Variants in RAPH1 observed in about 807,000 individuals in gnomAD.
RAPH1 encodes ras-associated and pleckstrin homology domains-containing protein 1.
RAPH1 carries 18 observed loss-of-function variants against 88.1 expected under a neutral mutation model. That is an observed-to-expected ratio of 0.20 (90% confidence interval 0.14 to 0.30). The LOEUF (loss-of-function observed/expected upper bound fraction) is 0.30. Ranked by LOEUF, RAPH1 falls within the 10% of genes least tolerant of loss-of-function variation. The pLI is 1.00. For synonymous variants in RAPH1, 587 were observed against 559.0 expected, an observed-to-expected ratio of 1.05 and a Z score of -0.71; for missense variants, 1,448 against 1,543.2, an observed-to-expected ratio of 0.94 and a Z score of 1.03.
intron 4 of RAPH1, among the ~76,000 whole-genome samples, chr2:203,482,805 AAAAAAC>A (rs1477775093): frequency 6.9e-6 from 1 of 145,544 alleles, no homozygotes; most frequent in Non-Finnish European, 1.5e-5. Flanking sequence ...TCTGTCTCAA[AAAAAAC>A]AAAACAAAAC....
Position 203,506,373 on chromosome 2 carries a change from T to C in RAPH1, c.1-11020A>G, listed in dbSNP as rs539302709. On this transcript the variant is annotated intron_variant, in intron 1 of 13. Transcript: ENST00000319170. ...TTCCCAGTTTTTGGTTTCAAAATACTGTATACACTCTACACAAAAAGTAAC... is the reference window on the plus strand; with the variant it reads ...TTCCCAGTTTTTGGTTTCAAAATACCGTATACACTCTACACAAAAAGTAAC... Among the ~76,000 whole-genome samples, 7 of 152,146 alleles carry C rather than the reference T, an allele frequency of 4.6e-5. No homozygotes were observed. In the East Asian group the frequency reaches 1.4e-3, roughly 29 times the overall value.
At chr2:203,521,439 G>A (rs1689863844) in intron 1 of RAPH1, among the ~76,000 whole-genome samples, 1 of 151,986 alleles carries the variant, frequency 6.6e-6, no homozygotes, top group South Asian at 2.1e-4. Context: ...AAATTTTATG[G>A]ATACATACGT....
chr2:203,488,203 C>T (rs1688059432), intron 4 of RAPH1, among the ~76,000 whole-genome samples: 1 of 152,148 alleles, frequency 6.6e-6, no homozygotes, highest in African/African-American at 2.4e-5. Flanking sequence ...TATTCCCTAT[C>T]TTATCCAGTC....
Position 203,439,833 on chromosome 2 carries a change from G to A in RAPH1, c.3357C>T (p.Ala1119=), listed in dbSNP as rs1185907271. Residue 1119 remains alanine (A), a synonymous_variant, in exon 14 of 14, where the codon GCC becomes GCT. Transcript: ENST00000319170. ...QQWSKMSVKK[A]PPPTRPKRND... ...TCCGTTTGGGTCGTGTGGGTGGAGG[G>A]GCCTTCTTCACTGACATTTTAGACC... 2 of 1,613,848 alleles carry A rather than the reference G, an allele frequency of 1.2e-6. No homozygotes were observed. The highest frequency in any genetic ancestry group is 2.2e-5 in the East Asian group (1 of 44,878).
chr2:203,457,179 A>T (rs891769826), intron 8 of RAPH1, among the ~76,000 whole-genome samples: 3 of 151,190 alleles, frequency 2.0e-5, no homozygotes, highest in Admixed American at 1.3e-4. Context: ...ATTTTATTTT[A>T]TTTATTTATT....
intron 1 of RAPH1, among the ~76,000 whole-genome samples, chr2:203,506,725 CATATATAGATATATATCTATATATATAT>C (rs1375738127): frequency 1.1e-4 from 14 of 125,294 alleles, no homozygotes; most frequent in Non-Finnish European, 1.6e-4. Flanking sequence ...GACTAAAATC[CATATATAGATATATATCTATATATATAT>C]ATATCTATAT....
chr2:203,513,351 CTTTT>C (rs35194583), intron 1 of RAPH1, among the ~76,000 whole-genome samples: 1 of 86,906 alleles, frequency 1.2e-5, no homozygotes, highest in African/African-American at 4.8e-5. Context: ...TTCTCTCAAT[CTTTT>C]TTTTTTTTTT....
intron 12 of RAPH1, chr2:203,445,236 A>G (rs1366709702): frequency 2.3e-6 from 1 of 433,060 alleles, no homozygotes; most frequent in Non-Finnish European, 4.1e-6. Flanking sequence ...TCACCATGAG[A>G]GACTGATAAT....
intron 7 of RAPH1, among the ~76,000 whole-genome samples, chr2:203,458,187 C>T (rs891269054): frequency 9.9e-5 from 15 of 152,106 alleles, no homozygotes; most frequent in South Asian, 4.2e-4. Context: ...CTGACCAACA[C>T]GGTGAAACCC....
intron 1 of RAPH1, among the ~76,000 whole-genome samples, chr2:203,502,258 T>C (rs1472492229): frequency 6.6e-6 from 1 of 152,128 alleles, no homozygotes; most frequent in African/African-American, 2.4e-5. Flanking sequence ...GGTATGCTAT[T>C]CTTGGGCCAG....
Position 203,434,079 on chromosome 2 carries a change from T to TATATATAG in RAPH1, c.*5357_*5358insCTATATAT, listed in dbSNP as rs1469344221. 5 of 150,436 alleles carry TATATATAG rather than the reference T, an allele frequency of 3.3e-5. No homozygotes were observed. Among genetic ancestry groups the TATATATAG allele is most frequent in the African/African-American group, 1.2e-4 (5 of 40,546 alleles). The allele number at this position is 150,436 out of a possible 1,614,324, so 9.3% of individuals were successfully genotyped here. ...ATCTATATATATATATATATATATA[T>TATATATAG]AGCTTTGCACAATCAGGGAGCAAGG... On this transcript the variant is annotated 3_prime_UTR_variant, in exon 14 of 14. Transcript: ENST00000319170.
At chr2:203,494,362 C>T (rs976532564) in intron 2 of RAPH1, among the ~76,000 whole-genome samples, 6 of 152,240 alleles carry the variant, frequency 3.9e-5, no homozygotes, top group Non-Finnish European at 8.8e-5. Context: ...TAACAGTACC[C>T]TTTTATTCTA....
intron 2 of RAPH1, 122 bp from the exon 3 acceptor site, chr2:203,491,441 CT>C (rs780844234): frequency 5.0e-6 from 3 of 595,644 alleles, no homozygotes; most frequent in Non-Finnish European, 5.8e-6. Context: ...CAAAGTTCTC[CT>C]AAGTAATAGA....
At chr2:203,510,884 C>G (rs1156960575) in intron 1 of RAPH1, among the ~76,000 whole-genome samples, 2 of 151,906 alleles carry the variant, frequency 1.3e-5, no homozygotes, top group Non-Finnish European at 2.9e-5. Flanking sequence ...CATAGCGAGA[C>G]TCTGTCTGTA....
intron 4 of RAPH1, among the ~76,000 whole-genome samples, chr2:203,462,508 C>T (rs551357730): frequency 1.1e-4 from 17 of 152,246 alleles, no homozygotes; most frequent in Admixed American, 5.9e-4. Flanking sequence ...TGCCTTATTG[C>T]GTAAGTTTCA....
chr2:203,506,999 C>T (rs1329393494), intron 1 of RAPH1, among the ~76,000 whole-genome samples: 1 of 147,744 alleles, frequency 6.8e-6, no homozygotes, highest in Non-Finnish European at 1.5e-5. Flanking sequence ...CAGGTTCAAG[C>T]GATTCTCCTG....
intron 1 of RAPH1, among the ~76,000 whole-genome samples, chr2:203,533,897 T>C (rs1690498311): frequency 6.6e-6 from 1 of 152,196 alleles, no homozygotes. Flanking sequence ...CCCATTTTAC[T>C]GATAGGGAAC....
At position 203,457,393 on chromosome 2, in the gene RAPH1, G is replaced by A. The variant is rs534715280; in HGVS notation, c.1158+137C>T. ...AACAGACAGGGTTTCACCATCTTGG[G>A]CAGGCTGGTCTTGAACTCCTGATCT... On this transcript the variant is annotated intron_variant, in intron 8 of 13. Transcript: ENST00000319170. The A allele has an allele frequency of 7.1e-4, 531 of 744,138 alleles. 3 individuals are homozygous for A. Among genetic ancestry groups the A allele is most frequent in the Middle Eastern group, 4.5e-3 (15 of 3,348 alleles). 46.1% of individuals were successfully genotyped at this position (744,138 alleles called of 1,614,324 possible).
chr2:203,447,242 T>C (rs192183961), intron 12 of RAPH1: 7 of 150,094 alleles, frequency 4.7e-5, no homozygotes, highest in Admixed American at 2.7e-4. Context: ...AGCAGCATCC[T>C]TGGCCAAAAT....
Sources: allele counts gnomAD v4.1 joint callset (sites outside exome capture counted in the v4.1 genomes callset), GRCh38; gene constraint gnomAD v4.1.1; transcripts MANE v1.5; gene names NCBI Gene and HGNC (gene_info 2026-07-23, HGNC 2026-07-21).